The following TBL1X variants were observed in gnomAD, a reference collection of about 807,000 sequenced individuals.
The protein encoded by TBL1X is transducin beta like 1 X-linked.
A neutral mutation model predicts 50.7 loss-of-function variants in TBL1X; 10 were observed. That is an observed-to-expected ratio of 0.20 (90% CI 0.12 to 0.33). The LOEUF (loss-of-function observed/expected upper bound fraction) is 0.33. Ranked by LOEUF, TBL1X falls within the 10% of genes least tolerant of loss-of-function variation. The pLI is 1.00. For synonymous variants in TBL1X, 190 were observed against 214.7 expected (o/e 0.88, Z 1.01); for missense variants, 340 against 504.4 (o/e 0.67, Z 3.12).
At chrX:9,505,098 T>C (rs1243147208) in intron 2 of TBL1X, among the ~76,000 whole-genome samples, 2 of 112,212 alleles carry the variant, frequency 1.8e-5, no homozygotes, top group African/African-American at 3.2e-5. Context: ...CCCATCAGAC[T>C]GACAATGGAC....
chrX:9,666,414 T>C (rs1269287376), intron 5 of TBL1X, among the ~76,000 whole-genome samples: 1 of 111,802 alleles, frequency 8.9e-6, no homozygotes, highest in Non-Finnish European at 1.9e-5. Context: ...ATTAGTTGAC[T>C]TTTAAAGAAA....
chrX:9,659,071 C>CG (rs1451715038), intron 5 of TBL1X, among the ~76,000 whole-genome samples: 1 of 111,360 alleles, frequency 9.0e-6, no homozygotes, highest in Non-Finnish European at 1.9e-5. Context: ...GAGATCCTCC[C>CG]CCCCGGCCTC....
intron 12 of TBL1X, among the ~76,000 whole-genome samples, chrX:9,697,749 C>G (rs1416843535): frequency 9.0e-6 from 1 of 111,399 alleles, no homozygotes; most frequent in East Asian, 2.8e-4. Flanking sequence ...CCATCCTGGG[C>G]GACAGAGCCA....
Position 9,718,950 on chromosome X carries a change from G to C in TBL1X, c.*2704G>C, listed in dbSNP as rs368299153. On this transcript the variant is annotated 3_prime_UTR_variant, in exon 18 of 18. Transcript: ENST00000645353. ...CAGCGGGACAACACCATGGACAGCC[G>C]TTTTCAGAGCCTCCAGCATTTGCAC... The C allele has an allele frequency of 8.9e-6, 1 of 112,104 alleles. No homozygotes were observed. Among genetic ancestry groups the C allele is most frequent in the African/African-American group, 3.2e-5 (1 of 30,813 alleles). The allele number at this position is 112,104 out of a possible 1,213,427, so 9.2% of individuals were successfully genotyped here. A position where few individuals can be genotyped will look rare whatever the true frequency, so the allele number is the denominator to read the frequency against.
intron 2 of TBL1X, among the ~76,000 whole-genome samples, chrX:9,515,842 A>G (rs2082078822): frequency 9.0e-6 from 1 of 111,648 alleles, no homozygotes; most frequent in Non-Finnish European, 1.9e-5. Flanking sequence ...GTGGTTGCCT[A>G]GGACTGGGGC....
At chrX:9,625,486 G>A (rs1167610053) in intron 2 of TBL1X, among the ~76,000 whole-genome samples, 1 of 112,060 alleles carries the variant, frequency 8.9e-6, no homozygotes, top group Non-Finnish European at 1.9e-5. Context: ...CTCACTCCAG[G>A]ATCATGCTGC....
In TBL1X at chrX:9,653,662, C is replaced by G. The variant is rs150634379; in HGVS notation, c.76C>G (p.His26Asp). Residue 26 changes from histidine to aspartate, a missense_variant, in exon 4 of 18, where the codon CAC becomes GAC. This residue lies in a region of TBL1X where 41 missense variants were observed against 48.6 expected (regional missense o/e 0.84). Coordinates refer to ENST00000645353, the MANE Select transcript of TBL1X (RefSeq NM_005647.4). ...AGRGAMQSVL[H>D]HFQRLRGREG... Reference sequence around the variant, plus strand: ...AAGAGGGGCCATGCAGTCAGTCTTGCACCACTTTCAACGTTTGCGAGGGAG... The same window carrying G: ...AAGAGGGGCCATGCAGTCAGTCTTGGACCACTTTCAACGTTTGCGAGGGAG... 3.4e-6 allele frequency: 4 copies of G among 1,170,711 alleles called. No individual in the cohort carries two copies. The highest frequency in any genetic ancestry group is 4.6e-6 in the Non-Finnish European group (4 of 875,010).
chrX:9,654,392 T>G (rs1383610996), intron 5 of TBL1X, 70 bp downstream of exon 5: 1 of 1,061,684 alleles, frequency 9.4e-7, no homozygotes, highest in Non-Finnish European at 1.3e-6. Flanking sequence ...GATCAACGCT[T>G]AATTCAAAAC....
At chrX:9,713,391 C>T (rs746818547) in intron 16 of TBL1X, among the ~76,000 whole-genome samples, 1 of 105,330 alleles carries the variant, frequency 9.5e-6, no homozygotes, top group East Asian at 3.2e-4. Context: ...TGTTTCAACC[C>T]TTTTTTATAA....
intron 2 of TBL1X, among the ~76,000 whole-genome samples, chrX:9,578,601 A>C (rs1360725785): frequency 1.8e-5 from 2 of 111,652 alleles, no homozygotes; most frequent in Admixed American, 9.5e-5. Flanking sequence ...GCAATAAGAC[A>C]AGCGTCCCCC....
At chrX:9,526,169 AAGAG>A (rs201317448) in intron 2 of TBL1X, among the ~76,000 whole-genome samples, 1 of 106,829 alleles carries the variant, frequency 9.4e-6, no homozygotes, top group African/African-American at 3.4e-5. Context: ...AGAGAGAGAA[AAGAG>A]AGAGAGAGAA....
chrX:9,671,477 A>G (rs765137083), intron 5 of TBL1X, among the ~76,000 whole-genome samples: 1 of 113,467 alleles, frequency 8.8e-6, no homozygotes, highest in Non-Finnish European at 1.9e-5. Context: ...CTTCAGGCCC[A>G]GGCCACATGG....
chrX:9,659,488 C>T (rs1356508976), intron 5 of TBL1X, among the ~76,000 whole-genome samples: 1 of 112,698 alleles, frequency 8.9e-6, no homozygotes, highest in Admixed American at 9.4e-5. Context: ...GCTGTTTCTG[C>T]GATTTGTTTA....
chrX:9,523,960 CTTTTTTTTTTTTTTT>C (rs63038662), intron 2 of TBL1X, among the ~76,000 whole-genome samples: 75 of 40,792 alleles, frequency 1.8e-3, no homozygotes, highest in Non-Finnish European at 2.8e-3. Context: ...TCATTTTAAC[CTTTTTTTTTTTTTTT>C]TTTTTTTTTT....
At chrX:9,484,165 C>T (rs768252516) in intron 1 of TBL1X, among the ~76,000 whole-genome samples, 3 of 109,939 alleles carry the variant, frequency 2.7e-5, no homozygotes, top group Non-Finnish European at 3.8e-5. Context: ...CCACCACACC[C>T]GGTTAATTTT....
intron 8 of TBL1X, 33 bp downstream of exon 8, chrX:9,691,744 T>G: frequency 8.3e-7 from 1 of 1,203,441 alleles, no homozygotes; most frequent in Non-Finnish European, 1.1e-6. Flanking sequence ...CGCTCCAGAG[T>G]TGGGGAGATG....
At chrX:9,570,326 GCTGA>G (rs2082378354) in intron 2 of TBL1X, among the ~76,000 whole-genome samples, 1 of 112,088 alleles carries the variant, frequency 8.9e-6, no homozygotes, top group Admixed American at 9.5e-5. Context: ...CTCCAGAAAA[GCTGA>G]CTATCCACTT....
intron 5 of TBL1X, among the ~76,000 whole-genome samples, chrX:9,664,125 A>G (rs2082913988): frequency 8.9e-6 from 1 of 112,177 alleles, no homozygotes; most frequent in South Asian, 3.7e-4. Flanking sequence ...CAGTAGTGTA[A>G]GATGCCTAGA....
chrX:9,532,623 C>T (rs749417897), intron 2 of TBL1X, among the ~76,000 whole-genome samples: 2 of 111,233 alleles, frequency 1.8e-5, no homozygotes, highest in East Asian at 2.9e-4. Flanking sequence ...CCGTAATTCT[C>T]CCACAGTCCT....
Sources: gnomAD v4.1 joint callset for allele counts (sites outside exome capture counted in the v4.1 genomes callset) on GRCh38, gnomAD v4.1.1 for gene constraint, gnomAD v4.1.1 regional missense constraint, MANE v1.5 for transcripts, NCBI Gene and HGNC (gene_info 2026-07-23, HGNC 2026-07-21) for gene names.